OTOGL: variants seen among roughly 807,000 people sequenced by gnomAD.
OTOGL encodes the protein otogelin-like protein.
A neutral mutation model predicts 318.5 loss-of-function variants in OTOGL; 285 were observed. The ratio of observed to expected loss-of-function variants is 0.89; its 90% CI spans 0.81 to 0.99. The LOEUF is 0.99. Ranked by LOEUF, OTOGL falls within the 50% of genes least tolerant of loss-of-function variation. OTOGL has a pLI of 0.00. For synonymous variants in OTOGL, 987 were observed against 936.5 expected (o/e 1.05, Z -0.99); for missense variants, 2,899 against 2,845.6 (o/e 1.02, Z -0.43).
chr12:80,296,730 C>A, intron 26 of OTOGL, 97 bp from the exon 27 acceptor site: 2 of 951,950 alleles, frequency 2.1e-6, no homozygotes, highest in Non-Finnish European at 2.8e-6. Context: ...AGTTCTAATG[C>A]AATCCATTGT....
At chr12:80,373,469 A>AAACT (rs1477137339) in intron 57 of OTOGL, among the ~76,000 whole-genome samples, 9 of 124,124 alleles carry the variant, frequency 7.3e-5, no homozygotes, top group African/African-American at 2.1e-4. Flanking sequence ...ACAAACAAAC[A>AAACT]AACTGTGGTA....
At position 80,308,722 on chromosome 12, in the gene OTOGL, T is replaced by A. The variant is rs531400731; in HGVS notation, c.3334-1889T>A. 3.9e-3 allele frequency among the ~76,000 whole-genome samples: 589 copies of A among 152,254 alleles called. 3 individuals carry two copies. Among genetic ancestry groups the A allele is most frequent in the African/African-American group, 0.014 (563 of 41,560 alleles). On this transcript the variant is annotated intron_variant, in intron 29 of 58. Transcript: ENST00000547103. ...GACTCCGTCTGCAATCCCGGCACCT[T>A]GGGAGGCCGAGGCTGGCGGATCACT... is the stretch of plus-strand genomic sequence containing the variant.
In OTOGL at chr12:80,253,565, G is replaced by A. The variant is rs767922508; in HGVS notation, c.1385G>A (p.Cys462Tyr). The change falls in exon 14 of 59, where the codon TGT becomes TAT. Residue 462 changes from cysteine (C) to tyrosine (Y), a missense_variant. Around this residue, in one of 3 missense-constraint regions of OTOGL, gnomAD observed 2,607 missense variants for 2,524.9 expected, o/e 1.03. Coordinates refer to ENST00000547103, the MANE Select transcript of OTOGL (RefSeq NM_001378609.3). ...YSVGSKIEQE[C>Y]TECVCVGGVW... ...GTTGGTTCAAAAATTGAACAAGAATGTACTGAATGGTATGTGATCAGTGTG... is the reference window on the plus strand; with the variant it reads ...GTTGGTTCAAAAATTGAACAAGAATATACTGAATGGTATGTGATCAGTGTG... The A allele has an allele frequency of 3.1e-6, 5 of 1,604,268 alleles. No individual in the cohort carries two copies. Among genetic ancestry groups the A allele is most frequent in the South Asian group, 1.1e-5 (1 of 90,844 alleles).
chr12:80,165,303 T>G (rs1873763962), intron 1 of OTOGL, among the ~76,000 whole-genome samples: 1 of 152,208 alleles, frequency 6.6e-6, no homozygotes, highest in Non-Finnish European at 1.5e-5. Flanking sequence ...ATTCTAATCT[T>G]TGCTGTGGAC....
intron 1 of OTOGL, among the ~76,000 whole-genome samples, chr12:80,106,506 C>G (rs888513511): frequency 6.6e-6 from 1 of 151,966 alleles, no homozygotes; most frequent in Non-Finnish European, 1.5e-5. Flanking sequence ...AATTCCTTTT[C>G]TGTTCTTCTC....
At chr12:80,303,913 A>G (rs1268473167) in intron 28 of OTOGL, among the ~76,000 whole-genome samples, 1 of 152,224 alleles carries the variant, frequency 6.6e-6, no homozygotes, top group Admixed American at 6.5e-5. Context: ...CCTTGTATCC[A>G]TCACAACAGT....
At chr12:80,253,892 A>G (rs1881796241) in intron 14 of OTOGL, among the ~76,000 whole-genome samples, 1 of 152,118 alleles carries the variant, frequency 6.6e-6, no homozygotes, top group Non-Finnish European at 1.5e-5. Flanking sequence ...TCTGTTACAT[A>G]CTATAAAACA....
intron 4 of OTOGL, among the ~76,000 whole-genome samples, 161 bp from the exon 5 acceptor site, chr12:80,217,437 T>C (rs1033606069): frequency 6.6e-6 from 1 of 152,168 alleles, no homozygotes; most frequent in African/African-American, 2.4e-5. Context: ...AGGAACCCTT[T>C]CTGCCTCATG....
intron 21 of OTOGL, 71 bp from the exon 22 acceptor site, chr12:80,267,182 A>G: frequency 1.1e-6 from 1 of 942,714 alleles, no homozygotes. Flanking sequence ...TGGAGAGCAC[A>G]AGGTCAGCTT....
chr12:80,202,098 GA>G (rs573954533), intron 1 of OTOGL, among the ~76,000 whole-genome samples: 92 of 152,178 alleles, frequency 6.0e-4, no homozygotes, highest in Admixed American at 2.0e-3. Flanking sequence ...GCACTTAATA[GA>G]AATCTAACTC....
chr12:80,195,382 C>G (rs1875986358), intron 1 of OTOGL, among the ~76,000 whole-genome samples: 2 of 152,110 alleles, frequency 1.3e-5, no homozygotes, highest in South Asian at 4.1e-4. Flanking sequence ...ATGGCAGATT[C>G]CTAGCTCAAT....
At chr12:80,377,331 C>G in intron 58 of OTOGL, 129 bp downstream of exon 58, 1 of 594,788 alleles carries the variant, frequency 1.7e-6, no homozygotes, top group Non-Finnish European at 2.9e-6. Flanking sequence ...ATTATTCCTA[C>G]ATTCTAATGT....
rs1018153145 is a variant in OTOGL at position 80,265,130 on chromosome 12, G to T, written c.2144G>T (p.Cys715Phe). The T allele has an allele frequency of 1.9e-6, 3 of 1,613,890 alleles. No homozygotes were observed. Among genetic ancestry groups the T allele is most frequent in the Admixed American group, 3.3e-5 (2 of 59,916 alleles). ...DACKCGSSCL[C>F]NALAHYAYLC... ...TGCAAGTGTGGAAGCTCCTGCCTGT[G>T]CAATGCTCTTGCCCACTATGCCTAC... is the stretch of plus-strand genomic sequence containing the variant. Residue 715 changes from cysteine to phenylalanine, a missense_variant, in exon 20 of 59, where the codon TGC (cysteine) becomes TTC (phenylalanine). This residue lies in a region of OTOGL where 2,607 missense variants were observed against 2,524.9 expected (regional missense o/e 1.03). Transcript: ENST00000547103.
intron 10 of OTOGL, 29 bp downstream of exon 10, chr12:80,239,007 G>A: frequency 1.9e-6 from 3 of 1,583,506 alleles, no homozygotes; most frequent in Non-Finnish European, 2.6e-6. Flanking sequence ...ATGTGGGCAT[G>A]TCAGACAGAA....
Position 80,296,951 on chromosome 12 carries a change from C to A in OTOGL, c.3053C>A (p.Pro1018His). The A allele has an allele frequency of 6.5e-7, 1 of 1,545,826 alleles. No homozygotes were observed. Residue 1018 changes from proline to histidine, a missense_variant, in exon 27 of 59, where the codon CCT becomes CAT. Pro to His is a moderately conservative substitution (Grantham distance 77). Transcript: ENST00000547103. The stretch of plus-strand genomic sequence containing the variant: ...ACTGAAATTTACCTGAATGATACTC[C>A]TTACAAACAGGTTAGTGAATTATTT... ...GDTEIYLNDT[P>H]YKQKQSGFFL...
At chr12:80,233,769 G>A (rs1184936470) in intron 9 of OTOGL, among the ~76,000 whole-genome samples, 6 of 152,164 alleles carry the variant, frequency 3.9e-5, no homozygotes, top group Non-Finnish European at 8.8e-5. Context: ...AGTGCAATAA[G>A]AAGAGAATAC....
chr12:80,243,309 T>A (rs1477957398), intron 11 of OTOGL, among the ~76,000 whole-genome samples: 2 of 151,980 alleles, frequency 1.3e-5, no homozygotes, highest in Admixed American at 1.3e-4. Context: ...ACCCTACCAA[T>A]AAGCATTCAG....
At chr12:80,129,384 T>C (rs1391146534) in intron 1 of OTOGL, among the ~76,000 whole-genome samples, 1 of 152,226 alleles carries the variant, frequency 6.6e-6, no homozygotes, top group East Asian at 1.9e-4. Flanking sequence ...TATTTTTCTA[T>C]GTTTATGAGA....
intron 1 of OTOGL, among the ~76,000 whole-genome samples, chr12:80,161,114 T>A (rs57199198): frequency 0.013 from 1,920 of 152,104 alleles, 47 homozygotes; most frequent in African/African-American, 0.043. Flanking sequence ...GATAAAAGAC[T>A]ACAAATTGCG....
Sources: allele counts gnomAD v4.1 joint callset (sites outside exome capture counted in the v4.1 genomes callset), GRCh38; gene constraint gnomAD v4.1.1; regional missense constraint gnomAD v4.1.1; transcripts MANE v1.5; gene names NCBI Gene and HGNC (gene_info 2026-07-23, HGNC 2026-07-21).